MAGI2: variants seen among roughly 807,000 people sequenced by gnomAD.
MAGI2 encodes the protein membrane-associated guanylate kinase, WW and PDZ domain-containing protein 2.
A neutral mutation model predicts 133.3 loss-of-function variants in MAGI2; 35 were observed. The observed-to-expected ratio is 0.26, with a 90% confidence interval of 0.20 to 0.35. The LOEUF is 0.35. Among genes scored for constraint, MAGI2 ranks in the 10% least tolerant of loss-of-function variants. The probability of loss-of-function intolerance (pLI) is 1.00; values close to 1 mark genes in which losing one functional copy is unlikely to be tolerated. For missense variants in MAGI2, 1,636 were observed against 1,863.4 expected, an observed-to-expected ratio of 0.88 and a Z score of 2.25; for synonymous variants, 729 against 710.6, an observed-to-expected ratio of 1.03 and a Z score of -0.41.
intron 1 of MAGI2, among the ~76,000 whole-genome samples, chr7:79,443,409 T>TA (rs971956484): frequency 4.6e-5 from 7 of 151,724 alleles, no homozygotes; most frequent in African/African-American, 1.7e-4. Context: ...GACTCCTTCT[T>TA]AAAAAAACAA....
intron 16 of MAGI2, among the ~76,000 whole-genome samples, chr7:78,150,396 A>C (rs1356821888): frequency 6.6e-6 from 1 of 152,204 alleles, no homozygotes; most frequent in African/African-American, 2.4e-5. Context: ...AGAAAGAGAA[A>C]AATAAAAAAT....
At chr7:79,009,384 A>G (rs1440759188) in intron 1 of MAGI2, among the ~76,000 whole-genome samples, 1 of 152,088 alleles carries the variant, frequency 6.6e-6, no homozygotes, top group Admixed American at 6.6e-5. Context: ...TCCTTCACTA[A>G]TTAAATGAGT....
rs951915105 is a variant in MAGI2 at position 79,313,487 on chromosome 7, G to A, written c.301+139533C>T. 8.6e-5 allele frequency among the ~76,000 whole-genome samples: 13 copies of A among 151,800 alleles called. No individual in the cohort carries two copies. The East Asian group carries it at 1.9e-3, about 23-fold the overall frequency. ...CTCTCTCTCTGAGAGAAAGAATAAC[G>A]GAATTAAATTGAATGATTAATCTCC... On this transcript the variant is annotated intron_variant, in intron 1 of 21. Transcript: ENST00000354212.
intron 1 of MAGI2, among the ~76,000 whole-genome samples, chr7:79,071,630 T>G (rs1398430926): frequency 6.7e-6 from 1 of 150,064 alleles, no homozygotes; most frequent in Admixed American, 6.7e-5. Flanking sequence ...CCTGCAATTT[T>G]TTTTTTTTTT....
chr7:79,308,121 T>C (rs1837966629), intron 1 of MAGI2, among the ~76,000 whole-genome samples: 1 of 152,218 alleles, frequency 6.6e-6, no homozygotes, highest in African/African-American at 2.4e-5. Flanking sequence ...TATATTACTA[T>C]ATTTATTGAA....
intron 2 of MAGI2, among the ~76,000 whole-genome samples, chr7:78,719,856 A>G (rs1223869817): frequency 6.6e-6 from 1 of 152,190 alleles, no homozygotes; most frequent in Non-Finnish European, 1.5e-5. Flanking sequence ...ATTTTCTTGA[A>G]ATAAGTAAAA....
chr7:78,395,659 T>C (rs1796280504), intron 6 of MAGI2, among the ~76,000 whole-genome samples: 1 of 152,194 alleles, frequency 6.6e-6, no homozygotes, highest in Admixed American at 6.5e-5. Flanking sequence ...AACTTTGAAT[T>C]AACTTGGAAT....
chr7:78,018,831 T>C lies in MAGI2; in HGVS notation c.*484A>G, dbSNP rs1807997779. ...CCCTGTCTAGATATGTCGAGAACAA[T>C]TTATTTACAACGCTTTAGATCAATT... On this transcript the variant is annotated 3_prime_UTR_variant, in exon 22 of 22. Transcript: ENST00000354212. 4.1e-6 allele frequency: 1 copy of C among 244,476 alleles called. No individual in the cohort carries two copies. Among genetic ancestry groups the C allele is most frequent in the South Asian group, 1.8e-4 (1 of 5,648 alleles). The allele number at this position is 244,476 out of a possible 1,614,324, so 15.1% of individuals were successfully genotyped here.
intron 1 of MAGI2, among the ~76,000 whole-genome samples, chr7:79,416,857 C>G (rs1846566460): frequency 6.6e-6 from 1 of 151,192 alleles, no homozygotes; most frequent in African/African-American, 2.4e-5. Flanking sequence ...GCCTTAGCCT[C>G]CCAAGTAGCT....
intron 1 of MAGI2, among the ~76,000 whole-genome samples, chr7:79,368,419 A>C (rs1842857537): frequency 2.6e-5 from 4 of 152,152 alleles, no homozygotes; most frequent in Non-Finnish European, 4.4e-5. Context: ...AGATCAATCA[A>C]GTCCTTTGCA....
At chr7:78,723,083 GT>G (rs1820419131) in intron 2 of MAGI2, among the ~76,000 whole-genome samples, 1 of 152,148 alleles carries the variant, frequency 6.6e-6, no homozygotes, top group Non-Finnish European at 1.5e-5. Flanking sequence ...TAAGTTGTCT[GT>G]TAAGCATTGC....
intron 2 of MAGI2, among the ~76,000 whole-genome samples, chr7:78,645,707 T>A (rs1810811266): frequency 6.6e-6 from 1 of 151,872 alleles, no homozygotes; most frequent in African/African-American, 2.4e-5. Flanking sequence ...GTGTCCAAGT[T>A]GTTTATAGAC....
At chr7:78,209,955 A>G (rs910957208) in intron 10 of MAGI2, among the ~76,000 whole-genome samples, 1 of 152,142 alleles carries the variant, frequency 6.6e-6, no homozygotes, top group African/African-American at 2.4e-5. Flanking sequence ...TACTCTTTAC[A>G]TAGCTATCTC....
intron 9 of MAGI2, among the ~76,000 whole-genome samples, chr7:78,257,050 T>C (rs747989818): frequency 1.8e-4 from 28 of 152,228 alleles, no homozygotes; most frequent in South Asian, 1.0e-3. Flanking sequence ...TTTTCTTTTT[T>C]ATGGAACAGA....
chr7:79,193,602 A>G (rs1186195540), intron 1 of MAGI2, among the ~76,000 whole-genome samples: 1 of 151,948 alleles, frequency 6.6e-6, no homozygotes, highest in East Asian at 1.9e-4. Context: ...TAATAAACTA[A>G]TAACTTAAGA....
intron 20 of MAGI2, among the ~76,000 whole-genome samples, chr7:78,092,946 T>C (rs1304657485): frequency 1.3e-5 from 2 of 151,832 alleles, no homozygotes; most frequent in Non-Finnish European, 2.9e-5. Flanking sequence ...TTGAAAGTAA[T>C]GGCAGGGAAA....
At position 78,369,161 on chromosome 7, in the gene MAGI2, A is replaced by G; in HGVS notation, c.1098T>C (p.Tyr366=). 6.2e-7 allele frequency: 1 copy of G among 1,600,366 alleles called. No homozygotes were observed. Among genetic ancestry groups the G allele is most frequent in the Non-Finnish European group, 8.5e-7 (1 of 1,170,908 alleles). Residue 366 remains tyrosine, a synonymous_variant, in exon 7 of 22, where the codon TAT becomes TAC. Coordinates refer to ENST00000354212, the MANE Select transcript of MAGI2 (RefSeq NM_012301.4). The stretch of plus-strand genomic sequence containing the variant: ...TATCACACTTAGAGACTTACTCAAC[A>G]TAATAAGTGCCATAAATGGGATCAT... ...KIDDPIYGTY[Y]VDHINRRTQF...
intron 21 of MAGI2, among the ~76,000 whole-genome samples, chr7:78,050,861 G>A (rs1811934010): frequency 2.6e-5 from 4 of 152,102 alleles, no homozygotes; most frequent in South Asian, 2.1e-4. Flanking sequence ...GATAACTAAC[G>A]GGCTCTACTG....
At chr7:78,225,135 TGATTACTCATCAGA>T (rs1387124768) in intron 10 of MAGI2, among the ~76,000 whole-genome samples, 1 of 152,176 alleles carries the variant, frequency 6.6e-6, no homozygotes, top group East Asian at 1.9e-4. Flanking sequence ...GACCCAAGGC[TGATTACTCATCAGA>T]GATCACTTGT....
Sources: allele counts gnomAD v4.1 joint callset (sites outside exome capture counted in the v4.1 genomes callset), GRCh38; gene constraint gnomAD v4.1.1; transcripts MANE v1.5; gene names NCBI Gene and HGNC (gene_info 2026-07-23, HGNC 2026-07-21).